Variants in FKRP observed in about 807,000 individuals in gnomAD.
FKRP encodes fukutin related protein, also known as ribitol 5-phosphate transferase FKRP.
FKRP carries 25 observed loss-of-function variants against 30.6 expected under a neutral mutation model. The ratio of observed to expected loss-of-function variants is 0.82; its 90% confidence interval spans 0.60 to 1.14. The LOEUF (loss-of-function observed/expected upper bound fraction) is 1.14. FKRP is among the 50% of genes most tolerant of loss of function. The pLI is 0.00. For synonymous variants in FKRP, 358 were observed against 342.5 expected (o/e 1.05, Z -0.50); for missense variants, 771 against 727.8 (o/e 1.06, Z -0.68).
chr19:46,749,501 C>T (rs1338340654), intron 3 of FKRP, among the ~76,000 whole-genome samples: 7 of 140,964 alleles, frequency 5.0e-5, no homozygotes, highest in African/African-American at 8.1e-5. Context: ...CTGAGGCGGG[C>T]GGATCACGAG....
rs1466623624 is a variant in FKRP at position 46,756,743 on chromosome 19, G to A, written c.1293G>A (p.Thr431=). 2 of 1,608,794 alleles carry A rather than the reference G, an allele frequency of 1.2e-6. No individual in the cohort carries two copies. The highest frequency in any genetic ancestry group is 2.2e-5 in the East Asian group (1 of 44,704). ...GCAATGGCGTCATGACCAAGGACAC[G>A]TGGCTGGACCACCGGCAGGATGTGG... The part of the protein sequence containing the change: ...YPRNGVMTKD[T]WLDHRQDVEF... Residue 431 remains threonine, a synonymous_variant, in exon 4 of 4, where the codon ACG becomes ACA. Coordinates refer to ENST00000318584, the MANE Select transcript of FKRP (RefSeq NM_024301.5). This position sits in a 1 kb window ranked among gnomAD's most constrained non-coding sequence, Gnocchi z 6.6.
intron 3 of FKRP, among the ~76,000 whole-genome samples, chr19:46,749,866 C>T (rs2122544268): frequency 6.6e-6 from 1 of 152,206 alleles, no homozygotes; most frequent in East Asian, 1.9e-4. Flanking sequence ...TACAGGTGCA[C>T]ACCACCATGC....
upstream of FKRP, among the ~76,000 whole-genome samples, chr19:46,744,791 A>T (rs1297959188): frequency 6.6e-6 from 1 of 151,818 alleles, no homozygotes; most frequent in Non-Finnish European, 1.5e-5. Context: ...GCAGGTAATG[A>T]CAATTTCTGC....
Position 46,757,313 on chromosome 19 carries a change from G to A in FKRP, c.*375G>A. 2.9e-6 allele frequency: 1 copy of A among 339,158 alleles called. No individual in the cohort carries two copies. The highest frequency in any genetic ancestry group is 5.9e-6 in the Non-Finnish European group (1 of 168,196). The allele number at this position is 339,158 out of a possible 1,614,324, so 21.0% of individuals were successfully genotyped here. ...CGAGAGCCCTGCGCTCTAGGGCAGG[G>A]GCAGAGTTTTGGAAACAGTGCAGGC... On this transcript the variant is annotated 3_prime_UTR_variant, in exon 4 of 4. Coordinates refer to ENST00000318584, the MANE Select transcript of FKRP (RefSeq NM_024301.5).
intron 3 of FKRP, among the ~76,000 whole-genome samples, chr19:46,751,582 G>A (rs1388623594): frequency 1.5e-5 from 2 of 136,302 alleles, no homozygotes; most frequent in Admixed American, 7.6e-5. Flanking sequence ...TTTTTGAGAC[G>A]GAGTCTTGCT....
At chr19:46,746,377 A>G in intron 1 of FKRP, 1 of 1,120,236 alleles carries the variant, frequency 8.9e-7, no homozygotes, top group Middle Eastern at 3.8e-4. Flanking sequence ...AGCCGAGCGG[A>G]CGGCAGGAGG....
intron 3 of FKRP, 63 bp from the exon 4 acceptor site, chr19:46,755,349 G>A (rs780986085): frequency 1.7e-5 from 18 of 1,048,790 alleles, no homozygotes; most frequent in South Asian, 3.2e-5. Flanking sequence ...CAAGGCTGAG[G>A]GTGGCAGAAG....
chr19:46,758,508 T>A lies in FKRP; in HGVS notation c.*1570T>A, dbSNP rs79237838. 3 of 166,844 alleles carry A rather than the reference T, an allele frequency of 1.8e-5. No homozygotes were observed. Among genetic ancestry groups the A allele is most frequent in the Non-Finnish European group, 2.9e-5 (2 of 68,090 alleles). The allele number at this position is 166,844 out of a possible 1,614,324, so 10.3% of individuals were successfully genotyped here. A position where few individuals can be genotyped will look rare whatever the true frequency, so the allele number is the denominator to read the frequency against. On this transcript the variant is annotated 3_prime_UTR_variant, in exon 4 of 4. Coordinates refer to ENST00000318584, the MANE Select transcript of FKRP (RefSeq NM_024301.5). ...TTATGAATATGAATAGGGTTTTTTTTATGTTTCTTGCCTCATCCCAATGAC... is the reference window on the plus strand; with the variant it reads ...TTATGAATATGAATAGGGTTTTTTTAATGTTTCTTGCCTCATCCCAATGAC...
chr19:46,749,199 G>T (rs1457057730), intron 3 of FKRP, among the ~76,000 whole-genome samples: 1 of 152,164 alleles, frequency 6.6e-6, no homozygotes, highest in African/African-American at 2.4e-5. Context: ...AGCTTTGAAA[G>T]CCCCTGTCAG....
In FKRP at chr19:46,746,065, C is replaced by T; in HGVS notation, c.-278C>T. On this transcript the variant is annotated 5_prime_UTR_variant, in exon 1 of 4. Coordinates refer to ENST00000318584, the MANE Select transcript of FKRP (RefSeq NM_024301.5). ...CCGGCCGTCCCGGCGGCCATTGCTC[C>T]AAGATGGCGGCGGCGGCGGCAGCGG... is the stretch of plus-strand genomic sequence containing the variant. 7.7e-7 allele frequency: 1 copy of T among 1,295,014 alleles called. No individual in the cohort carries two copies. The highest frequency in any genetic ancestry group is 9.8e-7 in the Non-Finnish European group (1 of 1,022,022). The allele number at this position is 1,295,014 out of a possible 1,614,324, so 80.2% of individuals were successfully genotyped here. A position where few individuals can be genotyped will look rare whatever the true frequency, so the allele number is the denominator to read the frequency against.
At chr19:46,745,051 G>C (rs3786708), upstream of FKRP, among the ~76,000 whole-genome samples, 5 of 101,628 alleles carry the variant, frequency 4.9e-5, no homozygotes, top group Admixed American at 2.2e-4. Context: ...GTCTACCCCC[G>C]TTCCGAGATG....
At position 46,756,175 on chromosome 19, in the gene FKRP, C is replaced by T. The variant is rs1298321836; in HGVS notation, c.725C>T (p.Ala242Val). The T allele has an allele frequency of 4.8e-6, 7 of 1,444,946 alleles. No homozygotes were observed. The Admixed American group carries it at 1.1e-4, about 23-fold the overall frequency. The allele number at this position is 1,444,946 out of a possible 1,614,324, so 89.5% of individuals were successfully genotyped here. A position where few individuals can be genotyped will look rare whatever the true frequency, so the allele number is the denominator to read the frequency against. The change falls in exon 4 of 4, where the codon GCG (alanine) becomes GTG (valine). Residue 242 changes from alanine (A) to valine (V), a missense_variant. By Grantham distance (64) the Ala-to-Val change is moderately conservative. Coordinates refer to ENST00000318584, the MANE Select transcript of FKRP (RefSeq NM_024301.5). The surrounding 1 kb of genome is among the most constrained non-coding windows in gnomAD (Gnocchi z 6.6). Reference sequence around the variant, plus strand: ...CAGCTGCTGGACTTGACCTTCGCCGCGGCGCGCCAGCCCCCGCTGGCCACG... The same window carrying T: ...CAGCTGCTGGACTTGACCTTCGCCGTGGCGCGCCAGCCCCCGCTGGCCACG... Reference protein sequence around the residue: ...AVQLLDLTFAAARQPPLATAH... With the variant: ...AVQLLDLTFAVARQPPLATAH...
chr19:46,756,005 C>T lies in FKRP; in HGVS notation c.555C>T (p.Ala185=), dbSNP rs1057523657. Residue 185 remains alanine (A), a synonymous_variant, in exon 4 of 4, where the codon GCC becomes GCT. Transcript: ENST00000318584. The surrounding 1 kb of genome is among the most constrained non-coding windows in gnomAD (Gnocchi z 6.6). ...LREWTARYGA[A]PAAPRCDALD... ...AGTGGACCGCCCGCTATGGCGCAGC[C>T]CCCGCCGCGCCCCGCTGCGACGCCC... 1.0e-5 allele frequency: 16 copies of T among 1,557,996 alleles called. 1 individual carries two copies. The African/African-American group carries it at 1.4e-4, about 13-fold the overall frequency.
In FKRP at chr19:46,756,261, G is replaced by C; in HGVS notation, c.811G>C (p.Ala271Pro). The C allele has an allele frequency of 2.7e-6, 4 of 1,493,728 alleles. No homozygotes were observed. The highest frequency in any genetic ancestry group is 3.6e-6 in the Non-Finnish European group (4 of 1,124,488). 92.5% of individuals were successfully genotyped at this position (1,493,728 alleles called of 1,614,324 possible). Residue 271 changes from alanine to proline, a missense_variant, in exon 4 of 4, where the codon GCG becomes CCG. Coordinates refer to ENST00000318584, the MANE Select transcript of FKRP (RefSeq NM_024301.5). This position sits in a 1 kb window ranked among gnomAD's most constrained non-coding sequence, Gnocchi z 6.6. ...CGCTCGGCGGGCGGCGCTGCTCCGC[G>C]CGCTGGGCATCCGCCTAGTGAGCTG... ...GRARRAALLR[A>P]LGIRLVSWEG...
chr19:46,749,337 G>T (rs543625066), intron 3 of FKRP, among the ~76,000 whole-genome samples: 2 of 151,846 alleles, frequency 1.3e-5, no homozygotes, highest in South Asian at 4.2e-4. Flanking sequence ...TCAACTCTTG[G>T]GTCCACTACT....
At chr19:46,746,197 G>A in intron 1 of FKRP, 107 bp downstream of exon 1, 1 of 1,539,818 alleles carries the variant, frequency 6.5e-7, no homozygotes, top group Admixed American at 1.9e-5. Context: ...CGGCTTCGAA[G>A]CGCGCCCACT....
chr19:46,746,055 G>GC, upstream of FKRP: 4 of 1,257,846 alleles, frequency 3.2e-6, no homozygotes, highest in African/African-American at 1.6e-5. Context: ...CGTCCCGGCG[G>GC]CCATTGCTCC....
At position 46,757,953 on chromosome 19, in the gene FKRP, T is replaced by G. The variant is rs902976623; in HGVS notation, c.*1015T>G. 2 of 167,186 alleles carry G rather than the reference T, an allele frequency of 1.2e-5. No individual in the cohort carries two copies. The highest frequency in any genetic ancestry group is 2.4e-5 in the African/African-American group (1 of 41,474). The allele number at this position is 167,186 out of a possible 1,614,324, so 10.4% of individuals were successfully genotyped here. A position where few individuals can be genotyped will look rare whatever the true frequency, so the allele number is the denominator to read the frequency against. The stretch of plus-strand genomic sequence containing the variant: ...ACCGACTTCTGAATCGCAGCTCCAC[T>G]CATGACTAATACCTCATTATTTCAG... On this transcript the variant is annotated 3_prime_UTR_variant, in exon 4 of 4. Transcript: ENST00000318584.
At chr19:46,746,439 C>A (rs1365379740) in intron 1 of FKRP, 3 of 1,008,466 alleles carry the variant, frequency 3.0e-6, no homozygotes, top group East Asian at 2.0e-4. Flanking sequence ...ATGGAGGCCC[C>A]GGGGCCGGCC....
Sources: gnomAD v4.1 joint callset for allele counts (sites outside exome capture counted in the v4.1 genomes callset) on GRCh38, gnomAD v4.1.1 for gene constraint, Gnocchi (gnomAD v3.1) non-coding constraint, MANE v1.5 for transcripts, NCBI Gene and HGNC (gene_info 2026-07-23, HGNC 2026-07-21) for gene names.